PXDNL: variants seen among roughly 807,000 people sequenced by gnomAD.
PXDNL encodes peroxidasin like, also known as probable oxidoreductase PXDNL.
Under a neutral mutation model 150.8 loss-of-function variants are expected in PXDNL, and 145 were observed. That is an observed-to-expected ratio of 0.96 (90% confidence interval 0.84 to 1.10). The LOEUF is 1.10. Ranked by LOEUF, PXDNL falls within the 50% of genes least tolerant of loss-of-function variation. PXDNL has a pLI of 0.00. For synonymous variants in PXDNL, 757 were observed against 725.7 expected (o/e 1.04, Z -0.69); for missense variants, 2,087 against 1,873.9 (o/e 1.11, Z -2.10).
intron 4 of PXDNL, among the ~76,000 whole-genome samples, chr8:51,501,603 C>T (rs1367772752): frequency 1.3e-5 from 2 of 152,072 alleles, no homozygotes; most frequent in African/African-American, 2.4e-5. Flanking sequence ...CCTAATCTCA[C>T]ACACTCACAC....
At chr8:51,341,653 A>G (rs766595281) in intron 20 of PXDNL, among the ~76,000 whole-genome samples, 3 of 152,166 alleles carry the variant, frequency 2.0e-5, no homozygotes, top group Non-Finnish European at 4.4e-5. Context: ...CCACCATTCT[A>G]TTCTCTGCCA....
chr8:51,509,759 C>T (rs199876121), intron 4 of PXDNL, among the ~76,000 whole-genome samples: 4,987 of 149,576 alleles, frequency 0.033, 227 homozygotes, highest in East Asian at 0.25. Context: ...CACACACACA[C>T]ACACACACAC....
rs181130048 is a variant in PXDNL, at chr8:51,686,783, G to C, written c.165-32023C>G. On this transcript the variant is annotated intron_variant, in intron 1 of 22. Coordinates refer to ENST00000356297, the MANE Select transcript of PXDNL (RefSeq NM_144651.5). ...ATAAAAAATGAAACAAGTGACAAAT[G>C]ATTACTTCAAAAGATATGTATAACT... Among the ~76,000 whole-genome samples the C allele has an allele frequency of 2.3e-3, 353 of 152,150 alleles. 1 individual carries two copies. The highest frequency in any genetic ancestry group is 8.0e-3 in the African/African-American group (334 of 41,540).
In PXDNL at chr8:51,408,563, C is replaced by A; in HGVS notation, c.3061G>T (p.Val1021Phe). 6.2e-7 allele frequency: 1 copy of A among 1,613,006 alleles called. No individual in the cohort carries two copies. Among genetic ancestry groups the A allele is most frequent in the South Asian group, 1.1e-5 (1 of 90,858 alleles). ...ATCCTAGTGCCAGGGTCCCCCAGGACCTTAGGCAGCCAGTGGCTGTAGGTG... is the reference window on the plus strand; with the variant it reads ...ATCCTAGTGCCAGGGTCCCCCAGGAACTTAGGCAGCCAGTGGCTGTAGGTG... ...HITYSHWLPK[V>F]LGDPGTRMLR... Residue 1021 changes from valine to phenylalanine, a missense_variant, in exon 17 of 23, where the codon GTC (valine) becomes TTC (phenylalanine). Coordinates refer to ENST00000356297, the MANE Select transcript of PXDNL (RefSeq NM_144651.5).
intron 2 of PXDNL, among the ~76,000 whole-genome samples, chr8:51,605,646 A>AAATT (rs1377116640): frequency 6.6e-6 from 1 of 152,196 alleles, no homozygotes; most frequent in East Asian, 1.9e-4. Context: ...AATAAAAGAA[A>AAATT]AATTATAGTT....
intron 2 of PXDNL, among the ~76,000 whole-genome samples, chr8:51,606,273 C>T (rs578166743): frequency 6.6e-6 from 1 of 152,238 alleles, no homozygotes; most frequent in East Asian, 1.9e-4. Context: ...AATTTTTTGT[C>T]TGTTTTGGCT....
intron 1 of PXDNL, among the ~76,000 whole-genome samples, chr8:51,688,375 C>T (rs1013127530): frequency 6.6e-6 from 1 of 152,076 alleles, no homozygotes; most frequent in Non-Finnish European, 1.5e-5. Context: ...TTAGAAAGGG[C>T]ATTCTGTTGG....
At chr8:51,784,094 T>C (rs2037439433) in intron 1 of PXDNL, among the ~76,000 whole-genome samples, 1 of 152,224 alleles carries the variant, frequency 6.6e-6, no homozygotes, top group Admixed American at 6.5e-5. Context: ...AAATCTCTGC[T>C]CAACATACTC....
chr8:51,611,330 C>T, intron 2 of PXDNL, among the ~76,000 whole-genome samples: 1 of 152,056 alleles, frequency 6.6e-6, no homozygotes, highest in East Asian at 1.9e-4. Context: ...TTACTTCGAT[C>T]ATGAAAAAAG....
chr8:51,440,272 T>A (rs1443691608), intron 12 of PXDNL, among the ~76,000 whole-genome samples: 1 of 152,022 alleles, frequency 6.6e-6, no homozygotes, highest in Admixed American at 6.6e-5. Flanking sequence ...CTTTGGGGAT[T>A]CGGGGGAAAG....
At chr8:51,586,681 A>G (rs1231260620) in intron 3 of PXDNL, among the ~76,000 whole-genome samples, 2 of 152,236 alleles carry the variant, frequency 1.3e-5, no homozygotes, top group East Asian at 1.9e-4. Context: ...CAGACTCCCA[A>G]TAAATTCAAA....
chr8:51,667,761 G>A (rs966931400), intron 1 of PXDNL, among the ~76,000 whole-genome samples: 3 of 152,182 alleles, frequency 2.0e-5, no homozygotes, highest in African/African-American at 4.8e-5. Context: ...TGCTAAAAAC[G>A]CACAAGGAGG....
At chr8:51,480,561 G>C (rs1362947119) in intron 6 of PXDNL, among the ~76,000 whole-genome samples, 1 of 152,186 alleles carries the variant, frequency 6.6e-6, no homozygotes, top group African/African-American at 2.4e-5. Context: ...AATTGCACAT[G>C]AGATTTAGAG....
At chr8:51,615,022 ATAT>A (rs1261773334) in intron 2 of PXDNL, among the ~76,000 whole-genome samples, 1 of 152,206 alleles carries the variant, frequency 6.6e-6, no homozygotes, top group East Asian at 1.9e-4. Context: ...AAAAAGTTTA[ATAT>A]TATATTATGT....
chr8:51,663,449 G>C (rs2130816175), intron 1 of PXDNL, among the ~76,000 whole-genome samples: 1 of 152,198 alleles, frequency 6.6e-6, no homozygotes, highest in Middle Eastern at 3.4e-3. Flanking sequence ...GGATTATGTG[G>C]TTACAGCTTA....
chr8:51,574,369 C>T (rs1379098782), intron 3 of PXDNL, among the ~76,000 whole-genome samples: 6 of 151,368 alleles, frequency 4.0e-5, no homozygotes, highest in Non-Finnish European at 7.4e-5. Flanking sequence ...CAATCTGAAC[C>T]ACAGAGAGAA....
intron 1 of PXDNL, among the ~76,000 whole-genome samples, chr8:51,783,763 G>A (rs954669148): frequency 7.9e-5 from 12 of 152,138 alleles, no homozygotes; most frequent in Non-Finnish European, 1.0e-4. Context: ...TGAAAGGGGC[G>A]TATTAGCCAG....
intron 2 of PXDNL, among the ~76,000 whole-genome samples, chr8:51,613,528 G>C (rs2130720003): frequency 6.6e-6 from 1 of 151,916 alleles, no homozygotes; most frequent in African/African-American, 2.4e-5. Context: ...AGCTTGCAGA[G>C]AAAAAGATGA....
At chr8:51,714,101 A>G (rs1816557611) in intron 1 of PXDNL, among the ~76,000 whole-genome samples, 1 of 152,228 alleles carries the variant, frequency 6.6e-6, no homozygotes, top group Non-Finnish European at 1.5e-5. Context: ...ACTCCTTTCT[A>G]AGATTAGAAT....
Sources: allele counts gnomAD v4.1 joint callset (sites outside exome capture counted in the v4.1 genomes callset), GRCh38; gene constraint gnomAD v4.1.1; transcripts MANE v1.5; gene names NCBI Gene and HGNC (gene_info 2026-07-23, HGNC 2026-07-21).